The following PDE3A variants were observed in gnomAD, a reference collection of about 807,000 sequenced individuals.
PDE3A encodes the protein cGMP-inhibited 3',5'-cyclic phosphodiesterase 3A.
PDE3A carries 43 observed loss-of-function variants against 98.3 expected under a neutral mutation model. The ratio of observed to expected loss-of-function variants is 0.44; its 90% CI spans 0.34 to 0.56. The LOEUF is 0.56. PDE3A is among the 20% of genes least tolerant of loss of function. The pLI, the probability that PDE3A is intolerant of heterozygous loss-of-function variation, is 0.01. For missense variants in PDE3A, 1,427 were observed against 1,440.7 expected (o/e 0.99, Z 0.15); for synonymous variants, 663 against 567.9 (o/e 1.17, Z -2.38).
At chr12:20,533,505 G>A (rs1941666262) in intron 1 of PDE3A, among the ~76,000 whole-genome samples, 1 of 141,900 alleles carries the variant, frequency 7.0e-6, no homozygotes, top group Non-Finnish European at 1.5e-5. Context: ...GTTTTGAGAC[G>A]TGGTCTCGTC....
chr12:20,676,735 G>A (rs1030177462), intron 15 of PDE3A, among the ~76,000 whole-genome samples: 1 of 152,042 alleles, frequency 6.6e-6, no homozygotes, highest in African/African-American at 2.4e-5. Flanking sequence ...TCCTGACCTC[G>A]TGATCTGCCT....
intron 1 of PDE3A, among the ~76,000 whole-genome samples, chr12:20,411,531 T>G (rs1445123533): frequency 1.3e-5 from 2 of 151,766 alleles, no homozygotes; most frequent in African/African-American, 2.4e-5. Flanking sequence ...TTTTTTTTCC[T>G]ATCTTTATGC....
At chr12:20,493,551 A>G (rs1565566951) in intron 1 of PDE3A, among the ~76,000 whole-genome samples, 1 of 152,162 alleles carries the variant, frequency 6.6e-6, no homozygotes, top group Non-Finnish European at 1.5e-5. Flanking sequence ...ATATGTACAT[A>G]TACAGACACA....
intron 1 of PDE3A, among the ~76,000 whole-genome samples, chr12:20,532,687 CTTTT>C (rs137966114): frequency 1.1e-4 from 12 of 107,866 alleles, no homozygotes; most frequent in Non-Finnish European, 1.6e-4. Flanking sequence ...GTTTCTCTCT[CTTTT>C]TTTTTTTTTT....
In PDE3A at chr12:20,613,557, G is replaced by A. The variant is rs1356725917; in HGVS notation, c.1126G>A (p.Ala376Thr). 3.7e-6 allele frequency: 6 copies of A among 1,613,980 alleles called. No homozygotes were observed. The highest frequency in any genetic ancestry group is 4.2e-6 in the Non-Finnish European group (5 of 1,180,012). ...ACCAAACGTGTGCACATCCTTGAGAGCCGTGAGCAACTTGCTCAGCACACA... is the reference window on the plus strand; with the variant it reads ...ACCAAACGTGTGCACATCCTTGAGAACCGTGAGCAACTTGCTCAGCACACA... The part of the protein sequence containing the change: ...LPPNVCTSLR[A>T]VSNLLSTQLT... The change falls in exon 3 of 16, where the codon GCC (alanine) becomes ACC (threonine). Residue 376 changes from alanine (A) to threonine (T), a missense_variant. By Grantham distance (58) the Ala-to-Thr change is moderately conservative. Coordinates refer to ENST00000359062, the MANE Select transcript of PDE3A (RefSeq NM_000921.5).
In PDE3A at chr12:20,653,929, CT is replaced by C; in HGVS notation, c.2926-16del. The C allele has an allele frequency of 6.2e-7, 1 of 1,609,930 alleles. No homozygotes were observed. The highest frequency in any genetic ancestry group is 8.5e-7 in the Non-Finnish European group (1 of 1,177,698). ...AGATGCCAGGTGAATGTTGACTTCACTTGTATTTTATTTCTAGGGTGATGAA... is the reference window on the plus strand; with the variant it reads ...AGATGCCAGGTGAATGTTGACTTCACTGTATTTTATTTCTAGGGTGATGAA... On this transcript the variant is annotated splice_polypyrimidine_tract_variant and intron_variant, in intron 14 of 15. Coordinates refer to ENST00000359062, the MANE Select transcript of PDE3A (RefSeq NM_000921.5).
chr12:20,664,249 G>A (rs1334452393), intron 15 of PDE3A, among the ~76,000 whole-genome samples: 1 of 152,070 alleles, frequency 6.6e-6, no homozygotes, highest in African/African-American at 2.4e-5. Context: ...GCATGAGAAT[G>A]GACTAATACA....
intron 1 of PDE3A, among the ~76,000 whole-genome samples, chr12:20,549,748 A>G (rs1942150046): frequency 6.6e-6 from 1 of 152,144 alleles, no homozygotes; most frequent in African/African-American, 2.4e-5. Flanking sequence ...ATATTAATAT[A>G]TAAATAAGAA....
chr12:20,664,813 G>A (rs1050754923), intron 15 of PDE3A, among the ~76,000 whole-genome samples: 1 of 152,044 alleles, frequency 6.6e-6, no homozygotes, highest in South Asian at 2.1e-4. Context: ...CCAGTCTCAG[G>A]TATGTCTTTA....
chr12:20,669,471 G>C (rs1225468425), intron 15 of PDE3A, among the ~76,000 whole-genome samples: 1 of 151,656 alleles, frequency 6.6e-6, no homozygotes, highest in Non-Finnish European at 1.5e-5. Flanking sequence ...TACCCTCAAA[G>C]GGAAGCCCAT....
At position 20,487,923 on chromosome 12, in the gene PDE3A, C is replaced by T. The variant is rs532133584; in HGVS notation, c.961-68737C>T. On this transcript the variant is annotated intron_variant, in intron 1 of 15. Coordinates refer to ENST00000359062, the MANE Select transcript of PDE3A (RefSeq NM_000921.5). ...GTTTTTCACACAGTTTTTAATACAGCTCATATTGATATATATTCTCATCAG... is the reference window on the plus strand; with the variant it reads ...GTTTTTCACACAGTTTTTAATACAGTTCATATTGATATATATTCTCATCAG... Among the ~76,000 whole-genome samples the T allele has an allele frequency of 4.8e-4, 73 of 152,176 alleles. No homozygotes were observed. The South Asian group carries it at 0.014, about 29-fold the overall frequency.
At chr12:20,383,543 C>G (rs1255098905) in intron 1 of PDE3A, among the ~76,000 whole-genome samples, 2 of 151,960 alleles carry the variant, frequency 1.3e-5, no homozygotes, top group African/African-American at 4.8e-5. Context: ...ACCCTCAGAC[C>G]ACTCTTCTTC....
chr12:20,445,670 C>A (rs1944941826), intron 1 of PDE3A, among the ~76,000 whole-genome samples: 1 of 152,128 alleles, frequency 6.6e-6, no homozygotes, highest in Non-Finnish European at 1.5e-5. Context: ...AATATGGCCT[C>A]ACCTTTTCTT....
intron 1 of PDE3A, among the ~76,000 whole-genome samples, chr12:20,540,176 T>C (rs1352682598): frequency 6.6e-6 from 1 of 152,154 alleles, no homozygotes; most frequent in East Asian, 1.9e-4. Context: ...ATTGAATACA[T>C]AGCACAGTTT....
intron 1 of PDE3A, among the ~76,000 whole-genome samples, chr12:20,388,346 C>T (rs183997870): frequency 8.0e-4 from 121 of 152,098 alleles, no homozygotes; most frequent in Middle Eastern, 3.4e-3. Flanking sequence ...TTAGATCGGC[C>T]TACAGACAAT....
intron 2 of PDE3A, among the ~76,000 whole-genome samples, chr12:20,560,907 GC>G (rs1258321165): frequency 6.6e-6 from 1 of 151,730 alleles, no homozygotes; most frequent in Non-Finnish European, 1.5e-5. Context: ...AGAGAAACTG[GC>G]CCTGTTTGCA....
At chr12:20,623,828 G>GTGTTC (rs1408153842) in intron 5 of PDE3A, among the ~76,000 whole-genome samples, 9 of 151,990 alleles carry the variant, frequency 5.9e-5, no homozygotes, top group African/African-American at 1.9e-4. Context: ...TATGATGGAT[G>GTGTTC]TATTCTAGAA....
intron 1 of PDE3A, among the ~76,000 whole-genome samples, chr12:20,444,989 A>G (rs1183886253): frequency 6.6e-6 from 1 of 152,228 alleles, no homozygotes; most frequent in Non-Finnish European, 1.5e-5. Flanking sequence ...GGAAATACCT[A>G]ATGTCAAGCC....
At chr12:20,606,867 A>T (rs1041882657) in intron 2 of PDE3A, among the ~76,000 whole-genome samples, 1 of 151,832 alleles carries the variant, frequency 6.6e-6, no homozygotes, top group African/African-American at 2.4e-5. Flanking sequence ...AAAAAAAAAA[A>T]AAATTAAAAC....
Sources: allele counts gnomAD v4.1 joint callset (sites outside exome capture counted in the v4.1 genomes callset), GRCh38; gene constraint gnomAD v4.1.1; transcripts MANE v1.5; gene names NCBI Gene and HGNC (gene_info 2026-07-23, HGNC 2026-07-21).